The following AOAH variants were observed in gnomAD, a reference collection of about 807,000 sequenced individuals.
AOAH encodes acyloxyacyl hydrolase.
AOAH carries 64 observed loss-of-function variants against 92.2 expected under a neutral mutation model. That is an observed-to-expected ratio of 0.69 (90% CI 0.57 to 0.86). The LOEUF (loss-of-function observed/expected upper bound fraction) is 0.86, where lower values mean the gene tolerates loss of function less well. Among genes scored for constraint, AOAH ranks in the 40% least tolerant of loss-of-function variants. The probability of loss-of-function intolerance (pLI) is 0.00; values close to 1 mark genes in which losing one functional copy is unlikely to be tolerated. For synonymous variants in AOAH, 263 were observed against 254.5 expected, an observed-to-expected ratio of 1.03 and a Z score of -0.32; for missense variants, 656 against 694.6, an observed-to-expected ratio of 0.94 and a Z score of 0.62.
intron 2 of AOAH, among the ~76,000 whole-genome samples, chr7:36,679,888 T>C (rs4236346): frequency 0.76 from 115,982 of 152,078 alleles, 44,869 homozygotes; most frequent in East Asian, 0.94. Flanking sequence ...GATCTCTTGA[T>C]CTTGTGATCC....
At chr7:36,596,189 C>A (rs1790106472) in intron 11 of AOAH, among the ~76,000 whole-genome samples, 1 of 150,666 alleles carries the variant, frequency 6.6e-6, no homozygotes, top group African/African-American at 2.4e-5. Context: ...TCACCTTCCC[C>A]TAAGAGATAA....
intron 1 of AOAH, among the ~76,000 whole-genome samples, chr7:36,688,843 A>G (rs565670954): frequency 2.6e-4 from 39 of 152,156 alleles, no homozygotes; most frequent in African/African-American, 8.0e-4. Flanking sequence ...ACATATATAT[A>G]TGTGTATATG....
Position 36,724,314 on chromosome 7 carries a change from AG to A in AOAH, c.-167del. On this transcript the variant is annotated 5_prime_UTR_variant, in exon 1 of 21. An upstream open reading frame in the 5' UTR loses its in-frame stop. Coordinates refer to ENST00000617537, the MANE Select transcript of AOAH (RefSeq NM_001637.4). ...CATACACACTTTTCAATAAGTGTGA[AG>A]TGAATAAAAGCACACATAAACACTC... 3 of 671,956 alleles carry A rather than the reference AG, an allele frequency of 4.5e-6. No individual in the cohort carries two copies. Among genetic ancestry groups the A allele is most frequent in the South Asian group, 1.8e-5 (1 of 55,082 alleles). 41.6% of individuals were successfully genotyped at this position (671,956 alleles called of 1,614,324 possible).
At chr7:36,602,480 T>G (rs1790687268) in intron 11 of AOAH, among the ~76,000 whole-genome samples, 1 of 150,856 alleles carries the variant, frequency 6.6e-6, no homozygotes, top group South Asian at 2.1e-4. Flanking sequence ...TGATTGAACT[T>G]TTTTTTAGAT....
intron 3 of AOAH, among the ~76,000 whole-genome samples, chr7:36,672,356 T>A (rs1795989482): frequency 6.6e-6 from 1 of 152,124 alleles, no homozygotes; most frequent in Non-Finnish European, 1.5e-5. Flanking sequence ...TGTAAGGATG[T>A]TCCTAGGAAC....
At chr7:36,544,464 G>T (rs2116251715) in intron 15 of AOAH, among the ~76,000 whole-genome samples, 1 of 152,228 alleles carries the variant, frequency 6.6e-6, no homozygotes, top group South Asian at 2.1e-4. Flanking sequence ...CCCCGGATTT[G>T]TCTGCCGACT....
intron 13 of AOAH, among the ~76,000 whole-genome samples, chr7:36,564,171 T>C (rs922067343): frequency 3.3e-5 from 5 of 152,214 alleles, no homozygotes; most frequent in African/African-American, 1.2e-4. Context: ...ACCATCTCCC[T>C]GTCCTTTTTG....
intron 4 of AOAH, among the ~76,000 whole-genome samples, chr7:36,641,809 T>C (rs1338604630): frequency 6.6e-6 from 1 of 152,198 alleles, no homozygotes; most frequent in African/African-American, 2.4e-5. Flanking sequence ...CCTGCCATGC[T>C]ACCTTAGAAG....
At chr7:36,523,937 T>C (rs1784248542) in intron 19 of AOAH, among the ~76,000 whole-genome samples, 1 of 152,144 alleles carries the variant, frequency 6.6e-6, no homozygotes, top group Non-Finnish European at 1.5e-5. Flanking sequence ...TGTCCTTTTA[T>C]GGTCTTTGTC....
At chr7:36,615,413 C>G (rs973330900) in intron 11 of AOAH, among the ~76,000 whole-genome samples, 1 of 152,148 alleles carries the variant, frequency 6.6e-6, no homozygotes, top group African/African-American at 2.4e-5. Flanking sequence ...GCTGAGGGCA[C>G]CTGTACTTTT....
rs548123001 is a variant in AOAH, at chr7:36,521,463, C to CCCTCT, written c.1599+571_1599+575dup. Reference sequence around the variant, plus strand: ...GGAGCCGGGAGGGGACAGAGTCCCACCCTCTGGCTCCCCTTGCTTTGTGAA... The same window carrying CCCTCT: ...GGAGCCGGGAGGGGACAGAGTCCCACCCTCTCCTCTGGCTCCCCTTGCTTTGTGAA... On this transcript the variant is annotated intron_variant, in intron 20 of 20. Coordinates refer to ENST00000617537, the MANE Select transcript of AOAH (RefSeq NM_001637.4). 1.6e-4 allele frequency among the ~76,000 whole-genome samples: 24 copies of CCCTCT among 152,316 alleles called. No individual in the cohort carries two copies. In the East Asian group the frequency reaches 2.5e-3, roughly 16 times the overall value.
intron 13 of AOAH, among the ~76,000 whole-genome samples, chr7:36,554,927 C>A (rs1223672596): frequency 9.0e-5 from 13 of 144,112 alleles, no homozygotes; most frequent in African/African-American, 3.1e-4. Context: ...ATGTCGTCTG[C>A]AAACAGGGAC....
intron 13 of AOAH, among the ~76,000 whole-genome samples, chr7:36,557,030 A>G (rs1422611386): frequency 6.6e-6 from 1 of 151,808 alleles, no homozygotes; most frequent in Non-Finnish European, 1.5e-5. Context: ...TGTCATTATG[A>G]TATTAGCTGG....
chr7:36,642,327 G>T (rs1467575776), intron 4 of AOAH, among the ~76,000 whole-genome samples: 1 of 152,062 alleles, frequency 6.6e-6, no homozygotes, highest in Non-Finnish European at 1.5e-5. Flanking sequence ...AAGAGAAAAA[G>T]ACACATAGAG....
chr7:36,722,313 C>T (rs142872030), intron 1 of AOAH, among the ~76,000 whole-genome samples: 2 of 152,180 alleles, frequency 1.3e-5, no homozygotes, highest in Admixed American at 1.3e-4. Flanking sequence ...TCACTGGGAA[C>T]AGGGCAGAGA....
intron 1 of AOAH, 86 bp from the exon 2 acceptor site, chr7:36,686,880 G>A (rs1393915920): frequency 6.1e-6 from 4 of 653,176 alleles, no homozygotes; most frequent in South Asian, 7.2e-5. Context: ...GCGTGTGTGT[G>A]TGTGTGTGTG....
At position 36,693,533 on chromosome 7, in the gene AOAH, AT is replaced by A. The variant is rs896848624; in HGVS notation, c.128-6740del. ...TTAATGTATTTTTATAGTTGAAATT[AT>A]TTTTTTGATCACACTATTGATCAAT... On this transcript the variant is annotated intron_variant, in intron 1 of 20. Transcript: ENST00000617537. Among the ~76,000 whole-genome samples, 5 of 30,114 alleles carry A rather than the reference AT, an allele frequency of 1.7e-4. No homozygotes were observed. The Middle Eastern group carries it at 0.033, about 196-fold the overall frequency. The allele number at this position is 30,114 out of a possible 152,430, so 19.8% of individuals were successfully genotyped here.
intron 3 of AOAH, among the ~76,000 whole-genome samples, chr7:36,665,217 A>G (rs888770409): frequency 7.9e-5 from 12 of 152,146 alleles, no homozygotes; most frequent in Non-Finnish European, 4.4e-5. Context: ...ATTTATTTCA[A>G]TAAAGTGTTG....
At chr7:36,663,569 T>C (rs1397964966) in intron 3 of AOAH, among the ~76,000 whole-genome samples, 1 of 152,242 alleles carries the variant, frequency 6.6e-6, no homozygotes, top group African/African-American at 2.4e-5. Context: ...TCATACTGCA[T>C]GTAGCCTTTT....
Sources: gnomAD v4.1 joint callset for allele counts (sites outside exome capture counted in the v4.1 genomes callset) on GRCh38, gnomAD v4.1.1 for gene constraint, MANE v1.5 for transcripts, NCBI Gene and HGNC (gene_info 2026-07-23, HGNC 2026-07-21) for gene names.